The following SPAG16 variants were observed in gnomAD, a reference collection of about 807,000 sequenced individuals.
SPAG16 encodes sperm-associated antigen 16 protein.
Under a neutral mutation model 80.4 loss-of-function variants are expected in SPAG16, and 86 were observed. The observed-to-expected ratio is 1.07, with a 90% CI of 0.90 to 1.28. The LOEUF (loss-of-function observed/expected upper bound fraction) is 1.28, where lower values mean the gene tolerates loss of function less well. Ranked by LOEUF, SPAG16 falls within the 50% of genes most tolerant of loss-of-function variation. The pLI is 0.00. For missense variants in SPAG16, 870 were observed against 765.3 expected, an observed-to-expected ratio of 1.14 and a Z score of -1.61; for synonymous variants, 294 against 265.9, an observed-to-expected ratio of 1.11 and a Z score of -1.03.
At chr2:213,945,341 T>C (rs905221126) in intron 12 of SPAG16, among the ~76,000 whole-genome samples, 3 of 149,918 alleles carry the variant, frequency 2.0e-5, no homozygotes, top group African/African-American at 7.4e-5. Context: ...ATATAGTATA[T>C]ATATATGTGG....
chr2:213,581,703 C>T (rs963262751), intron 10 of SPAG16, among the ~76,000 whole-genome samples: 2 of 152,096 alleles, frequency 1.3e-5, no homozygotes, highest in Admixed American at 1.3e-4. Context: ...GAGCCTTTCA[C>T]TATTCCTCTT....
chr2:213,488,431 A>C (rs947496822), intron 9 of SPAG16, among the ~76,000 whole-genome samples: 3 of 152,172 alleles, frequency 2.0e-5, no homozygotes, highest in African/African-American at 7.2e-5. Context: ...CTTTAAGGAA[A>C]TACTTAGTGA....
intron 12 of SPAG16, among the ~76,000 whole-genome samples, chr2:213,940,418 C>G (rs1276415778): frequency 6.6e-6 from 1 of 152,116 alleles, no homozygotes; most frequent in African/African-American, 2.4e-5. Flanking sequence ...TCCTGAGTAG[C>G]TGAGAGTACA....
chr2:213,946,025 A>T (rs1430222059), intron 12 of SPAG16, among the ~76,000 whole-genome samples: 3 of 152,174 alleles, frequency 2.0e-5, no homozygotes, highest in Non-Finnish European at 4.4e-5. Flanking sequence ...ATGCTTCTTC[A>T]GTTGAGCTAG....
chr2:213,486,035 A>C (rs1441781645), intron 9 of SPAG16, among the ~76,000 whole-genome samples: 2 of 152,120 alleles, frequency 1.3e-5, no homozygotes, highest in Non-Finnish European at 2.9e-5. Context: ...AGTATAATTG[A>C]GGTACCCATC....
chr2:214,228,413 AT>A (rs1688433054), intron 15 of SPAG16, among the ~76,000 whole-genome samples: 1 of 152,032 alleles, frequency 6.6e-6, no homozygotes, highest in African/African-American at 2.4e-5. Context: ...ATTTTACCTC[AT>A]TTTTATAAGT....
intron 15 of SPAG16, among the ~76,000 whole-genome samples, chr2:214,378,320 T>G (rs922557304): frequency 6.6e-6 from 1 of 152,132 alleles, no homozygotes; most frequent in African/African-American, 2.4e-5. Flanking sequence ...CTCAAACTGG[T>G]TTAAATAATA....
At chr2:214,093,927 T>A (rs1456917482) in intron 13 of SPAG16, among the ~76,000 whole-genome samples, 1 of 152,092 alleles carries the variant, frequency 6.6e-6, no homozygotes, top group Admixed American at 6.6e-5. Context: ...TCATCTTAAA[T>A]ATCACCTTCA....
Position 213,700,776 on chromosome 2 carries a change from A to T in SPAG16, c.1071-161709A>T, listed in dbSNP as rs548962151. ...GTCCCTTTCATTACCTCTTTTACAG[A>T]TTTTTAAAAATTCTCTATTTCTTTT... is the stretch of plus-strand genomic sequence containing the variant. On this transcript the variant is annotated intron_variant, in intron 10 of 15. Transcript: ENST00000331683. 5.3e-5 allele frequency among the ~76,000 whole-genome samples: 8 copies of T among 152,290 alleles called. No homozygotes were observed. The South Asian group carries it at 1.5e-3, about 28-fold the overall frequency.
At chr2:214,130,667 G>C (rs2054721255) in intron 14 of SPAG16, among the ~76,000 whole-genome samples, 2 of 152,182 alleles carry the variant, frequency 1.3e-5, no homozygotes, top group African/African-American at 4.8e-5. Flanking sequence ...AAAAGATATT[G>C]CTGCAATGTG....
At chr2:213,336,305 A>G (rs1296921461) in intron 5 of SPAG16, among the ~76,000 whole-genome samples, 1 of 152,126 alleles carries the variant, frequency 6.6e-6, no homozygotes, top group Non-Finnish European at 1.5e-5. Context: ...AAGACACAGT[A>G]TTTGCATACT....
At chr2:213,871,016 A>G (rs568867103) in intron 11 of SPAG16, among the ~76,000 whole-genome samples, 3 of 152,236 alleles carry the variant, frequency 2.0e-5, no homozygotes, top group South Asian at 4.1e-4. Flanking sequence ...TCATGCTCCC[A>G]GAAGGTATTA....
chr2:213,317,135 G>A (rs1040637552), intron 4 of SPAG16, 84 bp from the exon 5 acceptor site: 2 of 781,828 alleles, frequency 2.6e-6, no homozygotes, highest in Non-Finnish European at 4.1e-6. Flanking sequence ...CACTCCCTGA[G>A]ACTTAACTTT....
chr2:213,330,263 C>T (rs2064034370), intron 5 of SPAG16, among the ~76,000 whole-genome samples: 1 of 152,202 alleles, frequency 6.6e-6, no homozygotes, highest in African/African-American at 2.4e-5. Context: ...CACTGTGCAC[C>T]TGGAAAAGCC....
At chr2:213,945,323 T>TTG (rs2079399842) in intron 12 of SPAG16, among the ~76,000 whole-genome samples, 1 of 135,968 alleles carries the variant, frequency 7.4e-6, no homozygotes, top group Non-Finnish European at 1.6e-5. Flanking sequence ...ATGTGTGTGT[T>TTG]TGTGTATATA....
intron 12 of SPAG16, among the ~76,000 whole-genome samples, chr2:213,961,734 T>C (rs1413828646): frequency 1.3e-5 from 2 of 152,148 alleles, no homozygotes; most frequent in East Asian, 3.8e-4. Flanking sequence ...AAAATCTCAC[T>C]GTTCATTGTG....
chr2:213,299,163 G>T (rs986554122), intron 3 of SPAG16, among the ~76,000 whole-genome samples: 3 of 152,054 alleles, frequency 2.0e-5, no homozygotes, highest in Non-Finnish European at 4.4e-5. Flanking sequence ...ATTGAAGATT[G>T]CAAGTAAATG....
At chr2:214,338,526 T>TA (rs1296326507) in intron 15 of SPAG16, among the ~76,000 whole-genome samples, 1 of 151,774 alleles carries the variant, frequency 6.6e-6, no homozygotes, top group Non-Finnish European at 1.5e-5. Context: ...TAATAAAATT[T>TA]AAAAAAAATC....
At chr2:213,944,154 G>GGGGAAATATTCTTGGTTCCAATAGGCC (rs1491305953) in intron 12 of SPAG16, among the ~76,000 whole-genome samples, 2 of 152,194 alleles carry the variant, frequency 1.3e-5, no homozygotes, top group African/African-American at 4.8e-5. Context: ...ACCAATGGGT[G>GGGGAAATATTCTTGGTTCCAATAGGCC]GGGTAATATT....
Sources: gnomAD v4.1 joint callset for allele counts (sites outside exome capture counted in the v4.1 genomes callset) on GRCh38, gnomAD v4.1.1 for gene constraint, MANE v1.5 for transcripts, NCBI Gene and HGNC (gene_info 2026-07-23, HGNC 2026-07-21) for gene names.